Variants in DPY19L2 observed in about 807,000 individuals in gnomAD.
DPY19L2 encodes the protein probable C-mannosyltransferase DPY19L2.
A neutral mutation model predicts 97.9 loss-of-function variants in DPY19L2; 34 were observed. That is an observed-to-expected ratio of 0.35 (90% CI 0.26 to 0.46). The LOEUF is 0.46. Among genes scored for constraint, DPY19L2 ranks in the 20% least tolerant of loss-of-function variants. The pLI, the probability that DPY19L2 is intolerant of heterozygous loss-of-function variation, is 1.00. For synonymous variants in DPY19L2, 230 were observed against 307.9 expected, an observed-to-expected ratio of 0.75 and a Z score of 2.65; for missense variants, 623 against 911.4, an observed-to-expected ratio of 0.68 and a Z score of 4.07.
Position 63,560,535 on chromosome 12 carries a change from A to G in DPY19L2, c.2254T>C (p.Tyr752His). The change falls in exon 22 of 22, where the codon TAC becomes CAC. Residue 752 changes from tyrosine (Y) to histidine (H), a missense_variant. Tyr to His is a moderately conservative substitution (Grantham distance 83). Coordinates refer to ENST00000324472, the MANE Select transcript of DPY19L2 (RefSeq NM_173812.5). ...TCTCAGTTAACCTTTAATACTCTGT[A>G]CACACTATTCTGAAATACTGTGGTG... is the stretch of plus-strand genomic sequence containing the variant. ...YFTTVFQNSV[Y>H]RVLKVN The G allele has an allele frequency of 1.2e-6, 2 of 1,614,022 alleles. No individual in the cohort carries two copies. The highest frequency in any genetic ancestry group is 1.7e-6 in the Non-Finnish European group (2 of 1,179,914).
At chr12:63,650,285 C>T (rs200060626) in intron 4 of DPY19L2, among the ~76,000 whole-genome samples, 7,602 of 152,046 alleles carry the variant, frequency 0.05, 320 homozygotes, top group East Asian at 0.13. Context: ...ACTCTCCCCA[C>T]TCCTATTCAA....
intron 15 of DPY19L2, among the ~76,000 whole-genome samples, chr12:63,594,462 A>AGTGTGTGTGTGTGTG (rs1565734080): frequency 6.3e-5 from 3 of 47,498 alleles, no homozygotes; most frequent in African/African-American, 1.3e-4. Flanking sequence ...AGAGAGAGAG[A>AGTGTGTGTGTGTGTG]TAGTGTGTGT....
chr12:63,601,253 A>G (rs1396478804), intron 12 of DPY19L2, among the ~76,000 whole-genome samples: 1 of 152,182 alleles, frequency 6.6e-6, no homozygotes, highest in Non-Finnish European at 1.5e-5. Context: ...CCCATCATCA[A>G]GAAATAACAG....
chr12:63,609,049 C>T (rs1048573448), intron 11 of DPY19L2, among the ~76,000 whole-genome samples: 1 of 152,016 alleles, frequency 6.6e-6, no homozygotes, highest in African/African-American at 2.4e-5. Flanking sequence ...CCTTCCTCTC[C>T]AAACTGCCGA....
chr12:63,639,975 G>C (rs1034104568), intron 6 of DPY19L2, among the ~76,000 whole-genome samples: 98 of 152,242 alleles, frequency 6.4e-4, no homozygotes, highest in Non-Finnish European at 8.1e-4. Flanking sequence ...TGATAGACTC[G>C]ATTAAGAAAA....
intron 4 of DPY19L2, 168 bp downstream of exon 4, chr12:63,661,176 C>T (rs1895625500): frequency 3.4e-6 from 2 of 581,902 alleles, no homozygotes; most frequent in South Asian, 1.1e-4. Flanking sequence ...TTTCTGGGGT[C>T]TTTAAATTTT....
intron 5 of DPY19L2, among the ~76,000 whole-genome samples, chr12:63,646,924 C>A (rs1893487898): frequency 6.6e-6 from 1 of 151,956 alleles, no homozygotes; most frequent in Admixed American, 6.6e-5. Flanking sequence ...TTTAATGTAT[C>A]CTCAAAATTT....
At position 63,618,221 on chromosome 12, in the gene DPY19L2, G is replaced by A; in HGVS notation, c.1061C>T (p.Ser354Leu). 1 of 1,241,548 alleles carries A rather than the reference G, an allele frequency of 8.1e-7. No individual in the cohort carries two copies. Among genetic ancestry groups the A allele is most frequent in the Non-Finnish European group, 1.1e-6 (1 of 900,194 alleles). The allele number at this position is 1,241,548 out of a possible 1,614,324, so 76.9% of individuals were successfully genotyped here. Reference sequence around the variant, plus strand: ...TCCCACAACATACATGGGAAATAATGATGCTATCTGAAATAATATAAAAAA... The same window carrying A: ...TCCCACAACATACATGGGAAATAATAATGCTATCTGAAATAATATAAAAAA... ...AQFILFTQIA[S>L]LFPMYVVGYI... Residue 354 changes from serine (S) to leucine (L), a missense_variant, in exon 10 of 22, where the codon TCA becomes TTA. Transcript: ENST00000324472.
intron 16 of DPY19L2, among the ~76,000 whole-genome samples, chr12:63,588,871 A>G (rs1882311049): frequency 6.6e-6 from 1 of 150,480 alleles, no homozygotes; most frequent in Non-Finnish European, 1.5e-5. Context: ...CTCCTGCCTC[A>G]GCCTACCGAG....
chr12:63,636,626 G>C (rs1891761339), intron 6 of DPY19L2, among the ~76,000 whole-genome samples: 1 of 151,972 alleles, frequency 6.6e-6, no homozygotes, highest in Non-Finnish European at 1.5e-5. Flanking sequence ...AACAAAAGGG[G>C]TTGCAATCCT....
chr12:63,561,772 T>C (rs1876565142), intron 21 of DPY19L2, among the ~76,000 whole-genome samples: 2 of 151,730 alleles, frequency 1.3e-5, no homozygotes, highest in South Asian at 4.2e-4. Flanking sequence ...GGACATATGT[T>C]ATCATTTCTC....
chr12:63,630,285 AG>A (rs1469115350), intron 6 of DPY19L2, among the ~76,000 whole-genome samples: 1 of 152,192 alleles, frequency 6.6e-6, no homozygotes, highest in Non-Finnish European at 1.5e-5. Flanking sequence ...TTGGATCAAG[AG>A]TCAAGACCCA....
chr12:63,575,965 C>T (rs550382427), intron 19 of DPY19L2, among the ~76,000 whole-genome samples: 1 of 151,882 alleles, frequency 6.6e-6, no homozygotes, highest in Non-Finnish European at 1.5e-5. Flanking sequence ...CACTTTAATA[C>T]CAAAACCATA....
At chr12:63,598,867 C>A (rs1884669988) in intron 13 of DPY19L2, among the ~76,000 whole-genome samples, 2 of 151,284 alleles carry the variant, frequency 1.3e-5, no homozygotes, top group African/African-American at 4.9e-5. Context: ...AGTGTGTTTG[C>A]ATTTTTTTTT....
At chr12:63,566,007 T>C (rs1429808323) in intron 21 of DPY19L2, among the ~76,000 whole-genome samples, 1 of 152,166 alleles carries the variant, frequency 6.6e-6, no homozygotes, top group Non-Finnish European at 1.5e-5. Flanking sequence ...CACTTCAGCT[T>C]TTCTAATGTT....
chr12:63,624,185 A>T, intron 7 of DPY19L2, 54 bp from the exon 8 acceptor site: 1 of 1,336,968 alleles, frequency 7.5e-7, no homozygotes, highest in Non-Finnish European at 1.1e-6. Flanking sequence ...CAAACATATT[A>T]AAAAACCAGG....
chr12:63,602,929 G>C (rs1885415336), intron 12 of DPY19L2, among the ~76,000 whole-genome samples: 1 of 152,048 alleles, frequency 6.6e-6, no homozygotes, highest in South Asian at 2.1e-4. Flanking sequence ...AGCAAATATA[G>C]TCAAATATAC....
chr12:63,610,956 T>C (rs1406570786), intron 11 of DPY19L2, among the ~76,000 whole-genome samples: 2 of 144,678 alleles, frequency 1.4e-5, no homozygotes, highest in African/African-American at 2.5e-5. Context: ...AATACAAATG[T>C]CCAACAGGTA....
intron 6 of DPY19L2, among the ~76,000 whole-genome samples, chr12:63,632,463 C>T (rs904567000): frequency 2.2e-4 from 33 of 152,150 alleles, no homozygotes; most frequent in African/African-American, 7.2e-4. Flanking sequence ...CTCCCATTCA[C>T]AATTGCTTCA....
Sources: gnomAD v4.1 joint callset for allele counts (sites outside exome capture counted in the v4.1 genomes callset) on GRCh38, gnomAD v4.1.1 for gene constraint, MANE v1.5 for transcripts, NCBI Gene and HGNC (gene_info 2026-07-23, HGNC 2026-07-21) for gene names.